Variants in EFCC1 observed in about 807,000 individuals in gnomAD.
EFCC1 encodes EF-hand and coiled-coil domain-containing protein 1.
In EFCC1, 50 loss-of-function variants were observed where a neutral mutation model predicts 52.1. The observed-to-expected ratio is 0.96, with a 90% CI of 0.76 to 1.21. EFCC1 has a LOEUF of 1.21. Ranked by LOEUF, EFCC1 falls within the 50% of genes most tolerant of loss-of-function variation. The pLI is 0.00. For synonymous variants in EFCC1, 399 were observed against 396.5 expected (o/e 1.01, Z -0.08); for missense variants, 837 against 867.3 (o/e 0.97, Z 0.44).
Position 129,032,946 on chromosome 3 carries a change from G to A in EFCC1, c.1266G>A (p.Arg422=). The change falls in exon 4 of 8, where the codon CGG becomes CGA. Residue 422 remains arginine (R), a synonymous_variant. Transcript: ENST00000683648. The part of the protein sequence containing the change: ...PAAEAKTLLA[R]LSSCRGRCDD... ...CCGAGGCCAAGACACTGCTGGCCCG[G>A]CTCTCCAGCTGCAGAGGCAGGTGTG... 1 of 1,545,538 alleles carries A rather than the reference G, an allele frequency of 6.5e-7. No homozygotes were observed. The highest frequency in any genetic ancestry group is 1.8e-4 in the Middle Eastern group (1 of 5,426).
At chr3:129,035,615 T>C (rs1184703564) in intron 5 of EFCC1, among the ~76,000 whole-genome samples, 1 of 152,348 alleles carries the variant, frequency 6.6e-6, no homozygotes, top group East Asian at 1.9e-4. Flanking sequence ...TTGAATGTCA[T>C]TACAGGGCAA....
rs1403770395 is a variant in EFCC1, at chr3:129,003,990, G to A, written c.893G>A (p.Arg298His). ...CAGGTGGTGCTGCGCAGCCTGCACCGCGTGCGAGAGCTGGAGGCGCTGGCG... is the reference window on the plus strand; with the variant it reads ...CAGGTGGTGCTGCGCAGCCTGCACCACGTGCGAGAGCTGGAGGCGCTGGCG... ...ARQVVLRSLH[R>H]VRELEALAQQ... The change falls in exon 2 of 8, where the codon CGC becomes CAC. Residue 298 changes from arginine to histidine, a missense_variant. Arg to His is a conservative substitution (Grantham distance 29, BLOSUM62 0). Transcript: ENST00000683648. 5 of 1,499,820 alleles carry A rather than the reference G, an allele frequency of 3.3e-6. No homozygotes were observed. In the East Asian group the frequency reaches 1.1e-4, roughly 34 times the overall value. The allele number at this position is 1,499,820 out of a possible 1,614,324, so 92.9% of individuals were successfully genotyped here.
chr3:129,035,271 G>A (rs911732206), intron 5 of EFCC1, among the ~76,000 whole-genome samples: 1 of 152,156 alleles, frequency 6.6e-6, no homozygotes, highest in African/African-American at 2.4e-5. Context: ...CCACACGCTC[G>A]GTGCTGATGT....
intron 3 of EFCC1, among the ~76,000 whole-genome samples, chr3:129,031,544 A>G: frequency 6.6e-6 from 1 of 152,210 alleles, no homozygotes. Flanking sequence ...TTTTGTTTTT[A>G]AACAGCTGTA....
intron 2 of EFCC1, among the ~76,000 whole-genome samples, chr3:129,026,591 C>T (rs1946116490): frequency 2.0e-5 from 3 of 152,178 alleles, no homozygotes; most frequent in African/African-American, 7.2e-5. Context: ...TACCAACTCC[C>T]ATCTTTGCTG....
At chr3:129,012,639 G>A (rs1195296094) in intron 2 of EFCC1, among the ~76,000 whole-genome samples, 1 of 152,216 alleles carries the variant, frequency 6.6e-6, no homozygotes, top group Non-Finnish European at 1.5e-5. Flanking sequence ...GGATAGTCCT[G>A]TTGGCCCGGA....
chr3:129,001,527 C>T lies in EFCC1; in HGVS notation c.-102C>T. 7.5e-7 allele frequency: 1 copy of T among 1,334,334 alleles called. No homozygotes were observed. Among genetic ancestry groups the T allele is most frequent in the Non-Finnish European group, 9.5e-7 (1 of 1,047,918 alleles). The allele number at this position is 1,334,334 out of a possible 1,614,324, so 82.7% of individuals were successfully genotyped here. On this transcript the variant is annotated 5_prime_UTR_variant, in exon 1 of 8. Coordinates refer to ENST00000683648, the MANE Select transcript of EFCC1 (RefSeq NM_001377500.1). ...CGGCGCCGCTCCAACCAGACCGCGA[C>T]CGCTAAGCCCCTCCTTTCGAGAAAC...
In EFCC1 at chr3:129,003,856, G is replaced by C; in HGVS notation, c.759G>C (p.Ala253=). 1.4e-6 allele frequency: 2 copies of C among 1,450,658 alleles called. No individual in the cohort carries two copies. The highest frequency in any genetic ancestry group is 1.8e-6 in the Non-Finnish European group (2 of 1,104,906). The allele number at this position is 1,450,658 out of a possible 1,614,324, so 89.9% of individuals were successfully genotyped here. A position where few individuals can be genotyped will look rare whatever the true frequency, so the allele number is the denominator to read the frequency against. The stretch of plus-strand genomic sequence containing the variant: ...TGGGGCACGGCGGGCCGGAGGCTGC[G>C]GTGCGGGAGCTGCGTCAGGCGCAGG... ...HEMGHGGPEA[A]VRELRQAQGA... is the part of the protein sequence containing the mutation. The change falls in exon 2 of 8, where the codon GCG becomes GCC. Residue 253 remains alanine (A), a synonymous_variant. Coordinates refer to ENST00000683648, the MANE Select transcript of EFCC1 (RefSeq NM_001377500.1).
Position 129,013,105 on chromosome 3 carries a change from G to A in EFCC1, c.980+9028G>A, listed in dbSNP as rs374917846. On this transcript the variant is annotated intron_variant, in intron 2 of 7. Transcript: ENST00000683648. ...CAGTGTCAGGACTTTCACATGACCT[G>A]GCCTAAGTCAGGGGTAGTATACATG... 1.2e-4 allele frequency among the ~76,000 whole-genome samples: 18 copies of A among 152,284 alleles called. No individual in the cohort carries two copies. In the East Asian group the frequency reaches 3.3e-3, roughly 28 times the overall value.
chr3:129,022,135 T>C (rs1239203222), intron 2 of EFCC1, among the ~76,000 whole-genome samples: 1 of 152,194 alleles, frequency 6.6e-6, no homozygotes, highest in Non-Finnish European at 1.5e-5. Flanking sequence ...GTCATATCTA[T>C]ATAGAACCTG....
rs773707615 is a variant in EFCC1 at position 129,040,596 on chromosome 3, G to A, written c.*748G>A. The A allele has an allele frequency of 2.0e-5, 3 of 152,292 alleles. No individual in the cohort carries two copies. The highest frequency in any genetic ancestry group is 7.2e-5 in the African/African-American group (3 of 41,462). 9.4% of individuals were successfully genotyped at this position (152,292 alleles called of 1,614,324 possible). On this transcript the variant is annotated 3_prime_UTR_variant, in exon 8 of 8. Transcript: ENST00000683648. The surrounding 1 kb of genome is among the most constrained non-coding windows in gnomAD (Gnocchi z 4.4). ...CTGCGAGCCCCTCCTCCTGAACTGC[G>A]TCATGGGGTTGCAGGAAGGAGTAGG... is the stretch of plus-strand genomic sequence containing the variant.
In EFCC1 at chr3:129,002,211, C is replaced by G. The variant is rs1944815620; in HGVS notation, c.583C>G (p.Pro195Ala). 8.5e-6 allele frequency: 13 copies of G among 1,526,802 alleles called. No homozygotes were observed. Among genetic ancestry groups the G allele is most frequent in the Non-Finnish European group, 1.1e-5 (12 of 1,142,602 alleles). 94.6% of individuals were successfully genotyped at this position (1,526,802 alleles called of 1,614,324 possible). ...PPCAPGPDSG[P>A]DCERVARLEE... ...CTGCGCGCCTGGCCCCGACAGCGGT[C>G]CTGACTGTGAGCGCGTTGCGCGGCT... Residue 195 changes from proline (P) to alanine (A), a missense_variant, in exon 1 of 8, where the codon CCT becomes GCT. Pro to Ala is a conservative substitution (Grantham distance 27). Coordinates refer to ENST00000683648, the MANE Select transcript of EFCC1 (RefSeq NM_001377500.1).
At chr3:129,023,309 T>G (rs902587235) in intron 2 of EFCC1, among the ~76,000 whole-genome samples, 1 of 137,326 alleles carries the variant, frequency 7.3e-6, no homozygotes, top group African/African-American at 2.7e-5. Context: ...GCCTCTTGCT[T>G]CTTTTTTTTT....
At chr3:129,025,159 A>T (rs189396276) in intron 2 of EFCC1, among the ~76,000 whole-genome samples, 1 of 152,296 alleles carries the variant, frequency 6.6e-6, no homozygotes, top group Non-Finnish European at 1.5e-5. Context: ...GAGAGGCCAG[A>T]GCTGGAGATA....
chr3:129,038,879 G>A lies in EFCC1; in HGVS notation c.1642G>A (p.Ala548Thr), dbSNP rs752091923. 47 of 1,613,830 alleles carry A rather than the reference G, an allele frequency of 2.9e-5. No individual in the cohort carries two copies. In the South Asian group the frequency reaches 3.0e-4, roughly 10 times the overall value. Reference sequence around the variant, plus strand: ...GAAGATTTTGCTGAGCACGCTGGACGCTTTCAGGGACCCCACCCACGGTAG... The same window carrying A: ...GAAGATTTTGCTGAGCACGCTGGACACTTTCAGGGACCCCACCCACGGTAG... ...LGKILLSTLD[A>T]FRDPTHEGRP... The change falls in exon 7 of 8, where the codon GCT becomes ACT. Residue 548 changes from alanine (A) to threonine (T), a missense_variant. Transcript: ENST00000683648.
At chr3:129,020,058 C>G (rs116209875) in intron 2 of EFCC1, among the ~76,000 whole-genome samples, 2,927 of 152,186 alleles carry the variant, frequency 0.019, 83 homozygotes, top group African/African-American at 0.065. Flanking sequence ...TATGAGCCAT[C>G]GCAACCAGCC....
intron 2 of EFCC1, among the ~76,000 whole-genome samples, chr3:129,011,930 A>G (rs941088246): frequency 6.6e-6 from 1 of 152,196 alleles, no homozygotes; most frequent in African/African-American, 2.4e-5. Context: ...AGGGATGGTA[A>G]TCTGCCCAGG....
intron 2 of EFCC1, among the ~76,000 whole-genome samples, chr3:129,008,582 C>T (rs992243789): frequency 3.9e-5 from 6 of 152,192 alleles, no homozygotes; most frequent in Admixed American, 1.3e-4. Flanking sequence ...TTTCTAAGCA[C>T]GTTCTGTGGA....
At chr3:129,035,692 C>G (rs1319881546) in intron 5 of EFCC1, among the ~76,000 whole-genome samples, 1 of 152,206 alleles carries the variant, frequency 6.6e-6, no homozygotes, top group African/African-American at 2.4e-5. Context: ...TTCTGGAACC[C>G]TTGCACCGGG....
Sources: allele counts gnomAD v4.1 joint callset (sites outside exome capture counted in the v4.1 genomes callset), GRCh38; gene constraint gnomAD v4.1.1; non-coding constraint Gnocchi (gnomAD v3.1); transcripts MANE v1.5; gene names NCBI Gene and HGNC (gene_info 2026-07-23, HGNC 2026-07-21).